PTPRG: variants seen among roughly 807,000 people sequenced by gnomAD.
The protein encoded by PTPRG is receptor-type tyrosine-protein phosphatase gamma.
Under a neutral mutation model 165.3 loss-of-function variants are expected in PTPRG, and 102 were observed. The ratio of observed to expected loss-of-function variants is 0.62; its 90% confidence interval spans 0.53 to 0.73. The LOEUF (loss-of-function observed/expected upper bound fraction) is 0.73, where lower values mean the gene tolerates loss of function less well. Among genes scored for constraint, PTPRG ranks in the 30% least tolerant of loss-of-function variants. The pLI is 0.00. For missense variants in PTPRG, 1,866 were observed against 1,861.4 expected (o/e 1.00, Z -0.05); for synonymous variants, 675 against 669.5 (o/e 1.01, Z -0.13).
chr3:61,649,518 A>C (rs1193423927), intron 1 of PTPRG, among the ~76,000 whole-genome samples: 1 of 152,174 alleles, frequency 6.6e-6, no homozygotes, highest in Non-Finnish European at 1.5e-5. Flanking sequence ...ACCAAACACT[A>C]TCTGAAGACT....
At chr3:61,933,765 A>G (rs2039418641) in intron 2 of PTPRG, among the ~76,000 whole-genome samples, 1 of 152,314 alleles carries the variant, frequency 6.6e-6, no homozygotes, top group South Asian at 2.1e-4. Context: ...ACCAGTAGCC[A>G]TAGGAAATGA....
At chr3:61,713,148 C>G (rs2031644410) in intron 1 of PTPRG, among the ~76,000 whole-genome samples, 1 of 150,706 alleles carries the variant, frequency 6.6e-6, no homozygotes, top group African/African-American at 2.4e-5. Context: ...GACAGATTAT[C>G]TGAAACATCA....
intron 1 of PTPRG, among the ~76,000 whole-genome samples, chr3:61,687,129 A>G (rs553840378): frequency 1.1e-4 from 17 of 152,206 alleles, no homozygotes; most frequent in Non-Finnish European, 1.6e-4. Flanking sequence ...AAATGAAACC[A>G]AGTATCTGTT....
At chr3:61,821,163 CTCT>C (rs2035943185) in intron 2 of PTPRG, among the ~76,000 whole-genome samples, 1 of 150,438 alleles carries the variant, frequency 6.6e-6, no homozygotes, top group Non-Finnish European at 1.5e-5. Flanking sequence ...CATTTGTCTG[CTCT>C]TCTTGTTTTC....
chr3:61,953,075 A>G (rs980935005), intron 2 of PTPRG, among the ~76,000 whole-genome samples: 2 of 151,894 alleles, frequency 1.3e-5, no homozygotes, highest in South Asian at 2.1e-4. Context: ...CGCCCTTTCT[A>G]CTTACCGTGC....
intron 4 of PTPRG, among the ~76,000 whole-genome samples, chr3:62,024,421 G>C (rs986423199): frequency 2.6e-5 from 4 of 152,106 alleles, no homozygotes; most frequent in Non-Finnish European, 5.9e-5. Context: ...AAAAGGAATA[G>C]AGCATACACT....
At chr3:61,874,281 C>T (rs747635567) in intron 2 of PTPRG, among the ~76,000 whole-genome samples, 6 of 152,200 alleles carry the variant, frequency 3.9e-5, no homozygotes, top group Non-Finnish European at 7.3e-5. Flanking sequence ...TCCCCTCAAC[C>T]TCCTTTGGGA....
At chr3:61,757,255 A>C (rs1346424441) in intron 2 of PTPRG, among the ~76,000 whole-genome samples, 1 of 152,190 alleles carries the variant, frequency 6.6e-6, no homozygotes, top group East Asian at 1.9e-4. Context: ...CTACCTTTTA[A>C]TACTTATATT....
At chr3:61,960,134 T>G (rs11919226) in intron 2 of PTPRG, among the ~76,000 whole-genome samples, 6,287 of 152,220 alleles carry the variant, frequency 0.041, 337 homozygotes, top group African/African-American at 0.12. Context: ...CAAGCTGCAT[T>G]TACACAAGTT....
intron 5 of PTPRG, among the ~76,000 whole-genome samples, chr3:62,097,762 T>G (rs1702165479): frequency 6.6e-6 from 1 of 152,236 alleles, no homozygotes; most frequent in Non-Finnish European, 1.5e-5. Flanking sequence ...TTTTATAAGG[T>G]ACACAAAGTA....
At chr3:61,825,980 A>T (rs554662928) in intron 2 of PTPRG, among the ~76,000 whole-genome samples, 3 of 152,320 alleles carry the variant, frequency 2.0e-5, no homozygotes, top group African/African-American at 7.2e-5. Context: ...TGATGATAAC[A>T]GTAACAATTT....
chr3:62,043,199 A>G (rs112583009), intron 4 of PTPRG, among the ~76,000 whole-genome samples: 26 of 152,322 alleles, frequency 1.7e-4, no homozygotes, highest in African/African-American at 5.0e-4. Flanking sequence ...AAGAAGCCCA[A>G]TATGTTTTTC....
At chr3:61,914,779 TACAC>T (rs1013800499) in intron 2 of PTPRG, among the ~76,000 whole-genome samples, 1 of 152,182 alleles carries the variant, frequency 6.6e-6, no homozygotes, top group Non-Finnish European at 1.5e-5. Context: ...TTAGGAAAGA[TACAC>T]ACAAAACAAA....
intron 1 of PTPRG, among the ~76,000 whole-genome samples, chr3:61,661,165 T>A (rs930698283): frequency 6.6e-6 from 1 of 152,050 alleles, no homozygotes; most frequent in Non-Finnish European, 1.5e-5. Flanking sequence ...CTCAAACTCC[T>A]GGGCTCAAGC....
intron 2 of PTPRG, among the ~76,000 whole-genome samples, chr3:61,987,854 C>T (rs965492220): frequency 7.9e-5 from 12 of 151,484 alleles, no homozygotes; most frequent in Admixed American, 6.6e-4. Flanking sequence ...CCTTTTTTTT[C>T]TTTTTTCTCC....
chr3:62,014,852 T>G (rs759168167), intron 4 of PTPRG, among the ~76,000 whole-genome samples: 8 of 152,222 alleles, frequency 5.3e-5, no homozygotes, highest in Admixed American at 1.3e-4. Context: ...CAGCATATTT[T>G]CTGGATTCAT....
At chr3:61,593,077 C>A (rs911713093) in intron 1 of PTPRG, among the ~76,000 whole-genome samples, 2 of 152,200 alleles carry the variant, frequency 1.3e-5, no homozygotes, top group African/African-American at 4.8e-5. Context: ...AATGCAGACT[C>A]ATAGACTCTT....
At chr3:61,911,553 C>T (rs1244410466) in intron 2 of PTPRG, among the ~76,000 whole-genome samples, 1 of 152,050 alleles carries the variant, frequency 6.6e-6, no homozygotes, top group African/African-American at 2.4e-5. Context: ...TTAATATTGT[C>T]TACAAGTGTA....
At chr3:62,278,662 C>G (rs1313501128) in intron 26 of PTPRG, among the ~76,000 whole-genome samples, 1 of 151,960 alleles carries the variant, frequency 6.6e-6, no homozygotes, top group East Asian at 1.9e-4. Context: ...GACTGTGTGC[C>G]CAGTCAGTAG....
Sources: allele counts gnomAD v4.1 joint callset (sites outside exome capture counted in the v4.1 genomes callset), GRCh38; gene constraint gnomAD v4.1.1; transcripts MANE v1.5; gene names NCBI Gene and HGNC (gene_info 2026-07-23, HGNC 2026-07-21).